The following CHRM5 variants were observed in gnomAD, a reference collection of about 807,000 sequenced individuals.
The protein encoded by CHRM5 is muscarinic acetylcholine receptor M5.
CHRM5 carries 18 observed loss-of-function variants against 39.0 expected under a neutral mutation model. That is an observed-to-expected ratio of 0.46 (90% CI 0.32 to 0.68). CHRM5 has a LOEUF of 0.68. Ranked by LOEUF, CHRM5 falls within the 30% of genes least tolerant of loss-of-function variation. CHRM5 has a pLI of 0.04. For missense variants in CHRM5, 515 were observed against 651.1 expected (o/e 0.79, Z 2.28); for synonymous variants, 241 against 246.3 (o/e 0.98, Z 0.20).
intron 1 of CHRM5, among the ~76,000 whole-genome samples, chr15:34,015,221 C>A (rs1435899094): frequency 6.6e-6 from 1 of 152,132 alleles, no homozygotes; most frequent in African/African-American, 2.4e-5. Context: ...CAGTGGCTCA[C>A]GCCTGTAATC....
chr15:33,985,237 G>A (rs752623959), intron 1 of CHRM5, among the ~76,000 whole-genome samples: 11 of 151,848 alleles, frequency 7.2e-5, no homozygotes, highest in Non-Finnish European at 1.5e-4. Context: ...AGAGACAAAA[G>A]GTGTCTCTGG....
At chr15:34,032,258 T>C (rs1229152975) in intron 1 of CHRM5, among the ~76,000 whole-genome samples, 1 of 152,204 alleles carries the variant, frequency 6.6e-6, no homozygotes, top group African/African-American at 2.4e-5. Context: ...AGTCATGCTA[T>C]GGTGTGGTTA....
intron 1 of CHRM5, among the ~76,000 whole-genome samples, chr15:34,018,033 C>A (rs1898022599): frequency 6.6e-6 from 1 of 152,168 alleles, no homozygotes; most frequent in East Asian, 1.9e-4. Context: ...ATAATACTGA[C>A]AATGATACTA....
intron 1 of CHRM5, among the ~76,000 whole-genome samples, chr15:33,975,321 T>A (rs1053591260): frequency 3.3e-5 from 5 of 152,228 alleles, no homozygotes; most frequent in African/African-American, 4.8e-5. Context: ...TCCTGGTATA[T>A]GTCAAGCAAT....
chr15:34,042,504 G>A (rs949453421), intron 1 of CHRM5, among the ~76,000 whole-genome samples: 2 of 149,802 alleles, frequency 1.3e-5, no homozygotes, highest in East Asian at 2.0e-4. Context: ...AGGTTCAAGC[G>A]ATTCTCCTGC....
intron 1 of CHRM5, among the ~76,000 whole-genome samples, chr15:34,021,776 AC>A (rs969235212): frequency 5.0e-4 from 76 of 151,758 alleles, no homozygotes; most frequent in African/African-American, 1.2e-3. Context: ...AATCACTTGA[AC>A]CCAGGAGGTG....
chr15:34,056,996 A>G (rs1900178213), intron 2 of CHRM5, among the ~76,000 whole-genome samples: 1 of 152,278 alleles, frequency 6.6e-6, no homozygotes, highest in African/African-American at 2.4e-5. Context: ...CTATGATCAC[A>G]CCACTGCAAT....
In CHRM5 at chr15:34,063,141, C is replaced by G. The variant is rs200634273; in HGVS notation, c.424C>G (p.Arg142Gly). 1.9e-6 allele frequency: 3 copies of G among 1,614,166 alleles called. No individual in the cohort carries two copies. Among genetic ancestry groups the G allele is most frequent in the Non-Finnish European group, 1.7e-6 (2 of 1,180,026 alleles). The change falls in exon 3 of 3, where the codon CGT becomes GGT. Residue 142 changes from arginine (R) to glycine (G), a missense_variant. By Grantham distance (125) the Arg-to-Gly change is moderately radical. Coordinates refer to ENST00000383263, the MANE Select transcript of CHRM5 (RefSeq NM_012125.4). This position sits in a 1 kb window ranked among gnomAD's most constrained non-coding sequence, Gnocchi z 4.1. ...ITRPLTYRAK[R>G]TPKRAGIMIG... Reference sequence around the variant, plus strand: ...AAGACCCTTGACATATCGGGCCAAGCGTACTCCGAAAAGGGCTGGCATCAT... The same window carrying G: ...AAGACCCTTGACATATCGGGCCAAGGGTACTCCGAAAAGGGCTGGCATCAT...
chr15:34,027,834 A>G (rs1898564389), intron 1 of CHRM5, among the ~76,000 whole-genome samples: 1 of 108,846 alleles, frequency 9.2e-6, no homozygotes, highest in South Asian at 3.0e-4. Flanking sequence ...TCAAAAAAAA[A>G]AAAAAAAACT....
chr15:34,042,672 G>A (rs1899521468), intron 1 of CHRM5, among the ~76,000 whole-genome samples: 1 of 151,664 alleles, frequency 6.6e-6, no homozygotes, highest in South Asian at 2.1e-4. Context: ...CAAAGTGCTG[G>A]GATTACAGGC....
At chr15:34,032,841 T>C (rs892643982) in intron 1 of CHRM5, among the ~76,000 whole-genome samples, 39 of 152,220 alleles carry the variant, frequency 2.6e-4, no homozygotes, top group African/African-American at 9.4e-4. Context: ...GATGTGTAAC[T>C]CTAAAGAACA....
At chr15:34,016,289 C>T (rs1268504507) in intron 1 of CHRM5, among the ~76,000 whole-genome samples, 1 of 152,194 alleles carries the variant, frequency 6.6e-6, no homozygotes, top group East Asian at 1.9e-4. Flanking sequence ...CTAGGTTCTG[C>T]ATTAGAATGA....
chr15:34,014,082 G>C (rs962005833), intron 1 of CHRM5, among the ~76,000 whole-genome samples: 4 of 152,150 alleles, frequency 2.6e-5, no homozygotes, highest in Non-Finnish European at 5.9e-5. Context: ...AACACATTTA[G>C]CTGGGCACAG....
intron 2 of CHRM5, among the ~76,000 whole-genome samples, chr15:34,060,659 T>G (rs1438721628): frequency 6.6e-6 from 1 of 152,174 alleles, no homozygotes; most frequent in Non-Finnish European, 1.5e-5. Flanking sequence ...GTGGATCGCC[T>G]GGGGTCAGGA....
intron 1 of CHRM5, among the ~76,000 whole-genome samples, chr15:34,002,458 C>T (rs541191349): frequency 6.6e-6 from 1 of 152,162 alleles, no homozygotes; most frequent in Non-Finnish European, 1.5e-5. Flanking sequence ...TGTTACTGCT[C>T]TCCAGCATCA....
At chr15:33,988,371 G>T (rs914740002) in intron 1 of CHRM5, among the ~76,000 whole-genome samples, 2 of 152,162 alleles carry the variant, frequency 1.3e-5, no homozygotes, top group African/African-American at 2.4e-5. Context: ...AGAGATATGA[G>T]AATTTTGTAC....
intron 1 of CHRM5, among the ~76,000 whole-genome samples, chr15:34,028,802 T>C (rs1290932064): frequency 6.6e-6 from 1 of 151,880 alleles, no homozygotes; most frequent in African/African-American, 2.4e-5. Context: ...GAAGATAGGA[T>C]TCTAACCAGT....
chr15:34,062,613 G>A, intron 2 of CHRM5, 30 bp from the exon 3 acceptor site: 1 of 970,058 alleles, frequency 1.0e-6, no homozygotes, highest in South Asian at 1.6e-5. Flanking sequence ...ATGCTGGTGT[G>A]CGAAGCTAAT....
chr15:34,043,944 T>C (rs1368203172), intron 1 of CHRM5, among the ~76,000 whole-genome samples: 1 of 152,152 alleles, frequency 6.6e-6, no homozygotes, highest in Non-Finnish European at 1.5e-5. Context: ...CCAAGGCCTC[T>C]ATTACTGCAC....
Sources: allele counts gnomAD v4.1 joint callset (sites outside exome capture counted in the v4.1 genomes callset), GRCh38; gene constraint gnomAD v4.1.1; non-coding constraint Gnocchi (gnomAD v3.1); transcripts MANE v1.5; gene names NCBI Gene and HGNC (gene_info 2026-07-23, HGNC 2026-07-21).